The following CACNA1I variants were observed in gnomAD, a reference collection of about 807,000 sequenced individuals.
CACNA1I encodes calcium voltage-gated channel subunit alpha1 I, also known as voltage-dependent T-type calcium channel subunit alpha-1I.
CACNA1I carries 74 observed loss-of-function variants against 201.6 expected under a neutral mutation model. That is an observed-to-expected ratio of 0.37 (90% CI 0.30 to 0.45). CACNA1I has a LOEUF of 0.45. Among genes scored for constraint, CACNA1I ranks in the 20% least tolerant of loss-of-function variants. CACNA1I has a pLI of 1.00. For missense variants in CACNA1I, 2,346 were observed against 3,138.1 expected (o/e 0.75, Z 6.03); for synonymous variants, 1,431 against 1,345.2 (o/e 1.06, Z -1.40).
At chr22:39,600,429 T>C in intron 2 of CACNA1I, 91 bp from the exon 3 acceptor site, 1 of 1,053,600 alleles carries the variant, frequency 9.5e-7, no homozygotes, top group Non-Finnish European at 1.4e-6. Flanking sequence ...TGCATCCATG[T>C]GGTGTCCCCA....
chr22:39,584,500 G>T (rs1044572824), intron 1 of CACNA1I, among the ~76,000 whole-genome samples: 1 of 152,192 alleles, frequency 6.6e-6, no homozygotes, highest in Non-Finnish European at 1.5e-5. Context: ...GACCTGCTCA[G>T]CCATAGTCAT....
At chr22:39,608,909 T>TA (rs1182208223) in intron 3 of CACNA1I, among the ~76,000 whole-genome samples, 3 of 152,152 alleles carry the variant, frequency 2.0e-5, no homozygotes, top group African/African-American at 7.2e-5. Context: ...CCCTGACTCT[T>TA]ACAGACTCTT....
intron 15 of CACNA1I, among the ~76,000 whole-genome samples, chr22:39,660,833 C>G (rs955160222): frequency 6.6e-6 from 1 of 152,118 alleles, no homozygotes; most frequent in Non-Finnish European, 1.5e-5. Flanking sequence ...GCCTTGTTTC[C>G]CATAGTGGGC....
chr22:39,587,606 G>A, intron 1 of CACNA1I: 1 of 334,416 alleles, frequency 3.0e-6, no homozygotes, highest in Non-Finnish European at 5.8e-6. Flanking sequence ...AAGACAGGAG[G>A]GTATGAGGTT....
At chr22:39,588,385 C>CTTTTTTTTTT (rs3044379) in intron 1 of CACNA1I, among the ~76,000 whole-genome samples, 1 of 80,722 alleles carries the variant, frequency 1.2e-5, no homozygotes, top group African/African-American at 4.4e-5. Context: ...TTCTTTCTTT[C>CTTTTTTTTTT]TTTTTTTTTT....
intron 1 of CACNA1I, among the ~76,000 whole-genome samples, chr22:39,597,229 C>CG (rs1307118264): frequency 6.6e-6 from 1 of 152,142 alleles, no homozygotes; most frequent in African/African-American, 2.4e-5. Context: ...GTATGACAGG[C>CG]GGGGGCTGGA....
intron 5 of CACNA1I, among the ~76,000 whole-genome samples, chr22:39,639,395 T>C (rs1169511004): frequency 6.6e-6 from 1 of 152,206 alleles, no homozygotes; most frequent in Non-Finnish European, 1.5e-5. Flanking sequence ...TTTTTTGTCT[T>C]AGCCAGGATG....
chr22:39,592,701 T>C (rs960481982), intron 1 of CACNA1I, among the ~76,000 whole-genome samples: 3 of 152,130 alleles, frequency 2.0e-5, no homozygotes, highest in Non-Finnish European at 4.4e-5. Flanking sequence ...AATCCTGTGC[T>C]CCCCCTTGGG....
At chr22:39,588,859 T>C (rs1932789807) in intron 1 of CACNA1I, among the ~76,000 whole-genome samples, 1 of 152,216 alleles carries the variant, frequency 6.6e-6, no homozygotes. Context: ...CTTCATGTAA[T>C]TGGAGTTACG....
chr22:39,668,311 T>C lies in CACNA1I; in HGVS notation c.4124T>C (p.Val1375Ala). 6.2e-7 allele frequency: 1 copy of C among 1,613,192 alleles called. No homozygotes were observed. The highest frequency in any genetic ancestry group is 8.5e-7 in the Non-Finnish European group (1 of 1,179,226). Residue 1375 changes from valine (V) to alanine (A), a missense_variant, in exon 24 of 37, where the codon GTC becomes GCC. By Grantham distance (64) the Val-to-Ala change is moderately conservative. Coordinates refer to ENST00000402142, the MANE Select transcript of CACNA1I (RefSeq NM_021096.4). ...TCCCAGGCTCTGATGTCCCTCTTTG[T>C]CCTGGCATCCAAGGATGGTTGGGTG... is the stretch of plus-strand genomic sequence containing the variant. The part of the protein sequence containing the change: ...NLGQALMSLF[V>A]LASKDGWVNI...
At chr22:39,634,502 A>C in intron 4 of CACNA1I, 63 bp from the exon 5 acceptor site, 1 of 1,534,484 alleles carries the variant, frequency 6.5e-7, no homozygotes, top group African/African-American at 1.4e-5. Context: ...CCTTGCTCTC[A>C]CTCTTTCGTC....
chr22:39,672,200 C>G lies in CACNA1I; in HGVS notation c.4541C>G (p.Ser1514Cys). The change falls in exon 27 of 37, where the codon TCC (serine) becomes TGC (cysteine). Residue 1514 changes from serine (S) to cysteine (C), a missense_variant and splice_region_variant. Coordinates refer to ENST00000402142, the MANE Select transcript of CACNA1I (RefSeq NM_021096.4). ...ATGCTTCTCTTTGTTCCTCCATAGT[C>G]CCTGGAGACAGCCCTCAAGTACTGC... is the stretch of plus-strand genomic sequence containing the variant. ...MSLEHYNQPT[S>C]LETALKYCNY... 6.2e-7 allele frequency: 1 copy of G among 1,604,992 alleles called. No homozygotes were observed. Among genetic ancestry groups the G allele is most frequent in the Non-Finnish European group, 8.5e-7 (1 of 1,171,794 alleles).
At chr22:39,668,083 C>T (rs962899271) in intron 23 of CACNA1I, among the ~76,000 whole-genome samples, 1 of 152,188 alleles carries the variant, frequency 6.6e-6, no homozygotes, top group African/African-American at 2.4e-5. Context: ...ACTTTTTCTT[C>T]TATAACAGTA....
rs1935354709 is a variant in CACNA1I, at chr22:39,670,853, A to G, written c.4438A>G (p.Ile1480Val). Residue 1480 changes from isoleucine (I) to valine (V), a missense_variant, in exon 26 of 37, where the codon ATC (isoleucine) becomes GTC (valine). Physicochemically the swap from Ile to Val is conservative, Grantham distance 29. Transcript: ENST00000402142. ...YATYCHTRLL[I>V]HSMCTSHYLD... is the part of the protein sequence containing the mutation. ...CACCTATTGTCACACCCGGCTGCTC[A>G]TCCACTCCATGTGCACCAGCCACTA... 7 of 1,613,808 alleles carry G rather than the reference A, an allele frequency of 4.3e-6. No homozygotes were observed. Among genetic ancestry groups the G allele is most frequent in the Admixed American group, 1.7e-5 (1 of 60,012 alleles).
intron 3 of CACNA1I, among the ~76,000 whole-genome samples, chr22:39,604,947 A>G (rs1933168699): frequency 6.6e-6 from 1 of 152,044 alleles, no homozygotes; most frequent in South Asian, 2.1e-4. Flanking sequence ...TCAGGTGAAC[A>G]GGACCACCCC....
intron 3 of CACNA1I, 53 bp downstream of exon 3, chr22:39,600,706 T>C (rs912420396): frequency 4.8e-5 from 73 of 1,523,246 alleles, no homozygotes; most frequent in African/African-American, 1.4e-5. Flanking sequence ...CCAGGCATAA[T>C]TGAGAGAATC....
chr22:39,583,185 C>A (rs964248718), intron 1 of CACNA1I, among the ~76,000 whole-genome samples: 1 of 147,812 alleles, frequency 6.8e-6, no homozygotes, highest in Non-Finnish European at 1.5e-5. Flanking sequence ...TCCATCCATC[C>A]ATCTATCCAA....
intron 1 of CACNA1I, among the ~76,000 whole-genome samples, chr22:39,590,411 C>T (rs1053648534): frequency 2.0e-5 from 3 of 152,240 alleles, no homozygotes; most frequent in Admixed American, 1.3e-4. Flanking sequence ...TCTTCCTGAC[C>T]CCACTGCATA....
At chr22:39,601,420 G>A (rs146990610) in intron 3 of CACNA1I, among the ~76,000 whole-genome samples, 106 of 152,348 alleles carry the variant, frequency 7.0e-4, no homozygotes, top group African/African-American at 2.5e-3. Flanking sequence ...ACAGCAGCCC[G>A]ACTGAGCCAA....
Sources: gnomAD v4.1 joint callset for allele counts (sites outside exome capture counted in the v4.1 genomes callset) on GRCh38, gnomAD v4.1.1 for gene constraint, MANE v1.5 for transcripts, NCBI Gene and HGNC (gene_info 2026-07-23, HGNC 2026-07-21) for gene names.